The following CEP135 variants were observed in gnomAD, a reference collection of about 807,000 sequenced individuals.
CEP135 encodes centrosomal protein of 135 kDa.
A neutral mutation model predicts 157.3 loss-of-function variants in CEP135; 142 were observed. The ratio of observed to expected loss-of-function variants is 0.90; its 90% confidence interval spans 0.79 to 1.04. The LOEUF (loss-of-function observed/expected upper bound fraction) is 1.04, where lower values mean the gene tolerates loss of function less well. Among genes scored for constraint, CEP135 ranks in the 50% least tolerant of loss-of-function variants. The pLI, the probability that CEP135 is intolerant of heterozygous loss-of-function variation, is 0.00. For synonymous variants in CEP135, 396 were observed against 439.8 expected (o/e 0.90, Z 1.25); for missense variants, 1,317 against 1,309.2 (o/e 1.01, Z -0.09).
chr4:56,001,591 C>G (rs543761012), intron 17 of CEP135, among the ~76,000 whole-genome samples: 1 of 152,064 alleles, frequency 6.6e-6, no homozygotes, highest in East Asian at 1.9e-4. Context: ...TATCTGGGTC[C>G]CCTATTATGT....
Position 56,024,825 on chromosome 4 carries a change from C to CT in CEP135, c.*11+225dup, listed in dbSNP as rs71192063. On this transcript the variant is annotated intron_variant, in intron 25 of 25. Transcript: ENST00000257287. ...TAAAACTGACCATTTACAGTGTATG[C>CT]TTTTTTTTTTTTTTAAGAGATGGGG... 0.2 allele frequency among the ~76,000 whole-genome samples: 28,881 copies of CT among 142,202 alleles called. 3,055 individuals are homozygous for CT. The highest frequency in any genetic ancestry group is 0.26 in the Non-Finnish European group (17,249 of 65,254). 93.3% of individuals were successfully genotyped at this position (142,202 alleles called of 152,430 possible). A position where few individuals can be genotyped will look rare whatever the true frequency, so the allele number is the denominator to read the frequency against.
rs185845762 is a variant in CEP135 at position 55,971,723 on chromosome 4, T to C, written c.1249+315T>C. 2.2e-3 allele frequency among the ~76,000 whole-genome samples: 329 copies of C among 152,256 alleles called. 4 individuals carry two copies. The highest frequency in any genetic ancestry group is 7.7e-3 in the African/African-American group (321 of 41,544). Reference sequence around the variant, plus strand: ...GGAAGGCTATTTTGATAGTGGAAAATTGAAGTACAGAATCTTTTCAAGGAA... The same window carrying C: ...GGAAGGCTATTTTGATAGTGGAAAACTGAAGTACAGAATCTTTTCAAGGAA... On this transcript the variant is annotated intron_variant, in intron 10 of 25. Coordinates refer to ENST00000257287, the MANE Select transcript of CEP135 (RefSeq NM_025009.5).
At position 55,976,648 on chromosome 4, in the gene CEP135, G is replaced by A. The variant is rs1370647103; in HGVS notation, c.1473+1679G>A. The stretch of plus-strand genomic sequence containing the variant: ...ATAGACAAAGAATTTATTTTCTAGA[G>A]TTCAGAAAGCCAGGATGTTCAGAGC... On this transcript the variant is annotated intron_variant, in intron 11 of 25. Coordinates refer to ENST00000257287, the MANE Select transcript of CEP135 (RefSeq NM_025009.5). Among the ~76,000 whole-genome samples the A allele has an allele frequency of 2.0e-5, 3 of 152,150 alleles. No individual in the cohort carries two copies. The East Asian group carries it at 5.8e-4, about 29-fold the overall frequency.
In CEP135 at chr4:55,957,205, G is replaced by C. The variant is rs765813255; in HGVS notation, c.473-18G>C. On this transcript the variant is annotated intron_variant, in intron 4 of 25. Transcript: ENST00000257287. ...GTTTTGTTTCTTCTTAGTTTTTTAA[G>C]ACACTCATTCTTTTTAGGTGGCAAG... 3 of 1,607,176 alleles carry C rather than the reference G, an allele frequency of 1.9e-6. No homozygotes were observed. The South Asian group carries it at 3.4e-5, about 18-fold the overall frequency.
At position 55,981,282 on chromosome 4, in the gene CEP135, A is replaced by G. The variant is rs540315894; in HGVS notation, c.1682A>G (p.His561Arg). 6.3e-7 allele frequency: 1 copy of G among 1,598,762 alleles called. No homozygotes were observed. Among genetic ancestry groups the G allele is most frequent in the Non-Finnish European group, 8.5e-7 (1 of 1,175,034 alleles). ...RKESTQTTAP[H>R]NIVSLMEKEK... The stretch of plus-strand genomic sequence containing the variant: ...GAATCCACCCAAACCACAGCACCCC[A>G]TAATATTGTTAGTCTTATGGAAAAG... Residue 561 changes from histidine (H) to arginine (R), a missense_variant, in exon 13 of 26, where the codon CAT (histidine) becomes CGT (arginine). Transcript: ENST00000257287.
chr4:55,981,261 C>G lies in CEP135; in HGVS notation c.1661C>G (p.Ser554Cys), dbSNP rs1729396300. ...QEELSALRKE[S>C]TQTTAPHNIV... is the part of the protein sequence containing the mutation. ...GAATTATCTGCCCTAAGAAAGGAAT[C>G]CACCCAAACCACAGCACCCCATAAT... The change falls in exon 13 of 26, where the codon TCC (serine) becomes TGC (cysteine). Residue 554 changes from serine to cysteine, a missense_variant. By Grantham distance (112) the Ser-to-Cys change is moderately radical. Coordinates refer to ENST00000257287, the MANE Select transcript of CEP135 (RefSeq NM_025009.5). The G allele has an allele frequency of 1.3e-6, 2 of 1,590,360 alleles. No homozygotes were observed. The highest frequency in any genetic ancestry group is 1.7e-6 in the Non-Finnish European group (2 of 1,173,194).
At chr4:55,965,978 G>GT (rs1728832354) in intron 8 of CEP135, 119 bp downstream of exon 8, 3 of 830,492 alleles carry the variant, frequency 3.6e-6, no homozygotes, top group Admixed American at 5.8e-5. Flanking sequence ...GTCTGTTTTT[G>GT]TTTTTTTGCT....
intron 15 of CEP135, 54 bp from the exon 16 acceptor site, chr4:55,999,248 G>A: frequency 9.2e-6 from 12 of 1,305,038 alleles, no homozygotes; most frequent in East Asian, 4.7e-5. Flanking sequence ...TTTTTTAAAC[G>A]TATTTCTATG....
intron 1 of CEP135, among the ~76,000 whole-genome samples, chr4:55,951,206 G>T (rs1728352482): frequency 6.6e-6 from 1 of 152,150 alleles, no homozygotes; most frequent in Non-Finnish European, 1.5e-5. Flanking sequence ...GAGTAAAGCT[G>T]TGAACATTCT....
chr4:55,995,330 GT>G (rs778811310), intron 15 of CEP135, among the ~76,000 whole-genome samples: 24 of 152,040 alleles, frequency 1.6e-4, no homozygotes, highest in Admixed American at 4.6e-4. Context: ...TGTCTGTTTT[GT>G]TTTGTTTTAG....
At position 56,009,761 on chromosome 4, in the gene CEP135, G is replaced by A. The variant is rs751605052; in HGVS notation, c.2363G>A (p.Arg788Gln). 1.4e-5 allele frequency: 22 copies of A among 1,610,194 alleles called. No individual in the cohort carries two copies. The African/African-American group carries it at 2.1e-4, about 16-fold the overall frequency. The change falls in exon 19 of 26, where the codon CGA becomes CAA. Residue 788 changes from arginine (R) to glutamine (Q), a missense_variant. Arg to Gln is a conservative substitution (Grantham distance 43). Transcript: ENST00000257287. Reference protein sequence around the residue: ...VNQLKETLVNRDREINSLRRQ... With the variant: ...VNQLKETLVNQDREINSLRRQ... Reference sequence around the variant, plus strand: ...CAGCTGAAAGAAACATTGGTTAATCGAGATCGTGAGATAAACAGCCTCCGG... The same window carrying A: ...CAGCTGAAAGAAACATTGGTTAATCAAGATCGTGAGATAAACAGCCTCCGG...
chr4:55,961,756 ACT>A (rs1728685705), intron 6 of CEP135, among the ~76,000 whole-genome samples: 3 of 129,356 alleles, frequency 2.3e-5, no homozygotes, highest in Admixed American at 1.9e-4. Flanking sequence ...AAGAGCGAAA[ACT>A]CTGTCTAAAA....
At chr4:56,023,971 ATAT>A (rs965579807) in intron 24 of CEP135, among the ~76,000 whole-genome samples, 2 of 140,588 alleles carry the variant, frequency 1.4e-5, no homozygotes, top group African/African-American at 2.6e-5. Flanking sequence ...GCAATTATAA[ATAT>A]TATATAATAT....
chr4:55,985,446 ATTTTAT>A lies in CEP135; in HGVS notation c.1857+103_1857+108del, dbSNP rs959195506. 14 of 494,920 alleles carry A rather than the reference ATTTTAT, an allele frequency of 2.8e-5. No individual in the cohort carries two copies. In the South Asian group the frequency reaches 3.8e-4, roughly 14 times the overall value. The allele number at this position is 494,920 out of a possible 1,614,324, so 30.7% of individuals were successfully genotyped here. A position where few individuals can be genotyped will look rare whatever the true frequency, so the allele number is the denominator to read the frequency against. On this transcript the variant is annotated intron_variant, in intron 14 of 25. Coordinates refer to ENST00000257287, the MANE Select transcript of CEP135 (RefSeq NM_025009.5). Reference sequence around the variant, plus strand: ...TTTAATACACTATTTTTTAATTTTAATTTTATTTTTATTTTTATTTATTTTTTGAGA... The same window carrying A: ...TTTAATACACTATTTTTTAATTTTAATTTTATTTTTATTTATTTTTTGAGA...
chr4:56,015,372 G>A (rs1477895739), intron 21 of CEP135, among the ~76,000 whole-genome samples: 1 of 152,166 alleles, frequency 6.6e-6, no homozygotes, highest in Non-Finnish European at 1.5e-5. Flanking sequence ...GCCACCAAGG[G>A]CAACTCAGAG....
intron 8 of CEP135, among the ~76,000 whole-genome samples, chr4:55,967,093 AAG>A (rs1257751602): frequency 6.6e-6 from 1 of 152,002 alleles, no homozygotes; most frequent in African/African-American, 2.4e-5. Context: ...TAAATTTAAA[AAG>A]AGTGAATTTT....
intron 24 of CEP135, among the ~76,000 whole-genome samples, chr4:56,022,388 G>A (rs1461439012): frequency 6.6e-6 from 1 of 152,104 alleles, no homozygotes; most frequent in Admixed American, 6.6e-5. Context: ...GTTTCTTGGG[G>A]GTAGGGAATA....
chr4:55,987,712 T>C (rs1299648919), intron 14 of CEP135, among the ~76,000 whole-genome samples: 2 of 152,154 alleles, frequency 1.3e-5, no homozygotes, highest in African/African-American at 2.4e-5. Context: ...AGCAGTAATA[T>C]TAATTACTGG....
chr4:55,984,813 G>C (rs1729522761), intron 13 of CEP135, among the ~76,000 whole-genome samples: 1 of 152,178 alleles, frequency 6.6e-6, no homozygotes, highest in Non-Finnish European at 1.5e-5. Flanking sequence ...TGTTTATACT[G>C]TTGACCAGCC....
Sources: gnomAD v4.1 joint callset for allele counts (sites outside exome capture counted in the v4.1 genomes callset) on GRCh38, gnomAD v4.1.1 for gene constraint, MANE v1.5 for transcripts, NCBI Gene and HGNC (gene_info 2026-07-23, HGNC 2026-07-21) for gene names.